Variants in COX14 observed in about 807,000 individuals in gnomAD.
COX14 encodes cytochrome c oxidase assembly protein COX14.
In COX14, 3 loss-of-function variants were observed where a neutral mutation model predicts 5.8. The observed-to-expected ratio is 0.51, with a 90% CI of 0.23 to 1.33. The LOEUF (loss-of-function observed/expected upper bound fraction) is 1.33. Among genes scored for constraint, COX14 ranks in the 40% most tolerant of loss-of-function variants. The pLI is 0.18. For missense variants in COX14, 72 were observed against 72.1 expected, an observed-to-expected ratio of 1.00 and a Z score of 0.01; for synonymous variants, 25 against 26.1, an observed-to-expected ratio of 0.96 and a Z score of 0.13.
At chr12:50,118,113 C>T (rs1458435390) in intron 1 of COX14, among the ~76,000 whole-genome samples, 2 of 149,080 alleles carry the variant, frequency 1.3e-5, no homozygotes, top group East Asian at 4.1e-4. Context: ...CTGGCGCAAT[C>T]TCACCTCGCT....
intron 1 of COX14, among the ~76,000 whole-genome samples, chr12:50,113,913 G>A (rs1297418608): frequency 2.6e-5 from 4 of 151,770 alleles, no homozygotes; most frequent in African/African-American, 9.7e-5. Flanking sequence ...GATTACAGGT[G>A]GCTCACGCCC....
intron 1 of COX14, among the ~76,000 whole-genome samples, chr12:50,115,308 G>A (rs180920194): frequency 2.7e-4 from 41 of 149,974 alleles, no homozygotes; most frequent in Admixed American, 1.4e-3. Context: ...TCCGCCTCCC[G>A]GGTTCATGCC....
chr12:50,112,916 ATG>A (rs1391328571), intron 1 of COX14: 2 of 149,338 alleles, frequency 1.3e-5, no homozygotes, highest in African/African-American at 2.5e-5. Flanking sequence ...ACGTTATGTT[ATG>A]TTATGTTATG....
intron 1 of COX14, among the ~76,000 whole-genome samples, chr12:50,114,238 AC>A (rs1951058264): frequency 1.3e-5 from 2 of 150,176 alleles, no homozygotes; most frequent in South Asian, 4.2e-4. Context: ...AAAAAAAAAA[AC>A]AGGTGTTTCT....
intron 1 of COX14, among the ~76,000 whole-genome samples, chr12:50,119,413 T>C (rs1592311955): frequency 6.6e-6 from 1 of 152,196 alleles, no homozygotes. Context: ...CCCTGGCTGG[T>C]GCAGTGGCTC....
intron 1 of COX14, chr12:50,118,495 G>GTGAGCCAC: frequency 1.1e-6 from 1 of 934,534 alleles, no homozygotes; most frequent in Non-Finnish European, 1.3e-6. Flanking sequence ...TTGGCCAGGC[G>GTGAGCCAC]CGGTGGCTCA....
Position 50,120,276 on chromosome 12 carries a change from A to T in COX14, c.*59A>T. On this transcript the variant is annotated 3_prime_UTR_variant, in exon 2 of 2. Coordinates refer to ENST00000550487, the MANE Select transcript of COX14 (RefSeq NM_032901.4). ...CCAAGGCATGCTGTGGAGAGACTTC[A>T]CCTGCCACCATTTCCAGGTCAACAG... is the stretch of plus-strand genomic sequence containing the variant. 7.1e-7 allele frequency: 1 copy of T among 1,409,522 alleles called. No individual in the cohort carries two copies. Among genetic ancestry groups the T allele is most frequent in the Non-Finnish European group, 9.8e-7 (1 of 1,024,382 alleles). 87.3% of individuals were successfully genotyped at this position (1,409,522 alleles called of 1,614,324 possible).
At chr12:50,113,426 C>T (rs1455848225) in intron 1 of COX14, among the ~76,000 whole-genome samples, 2 of 149,994 alleles carry the variant, frequency 1.3e-5, no homozygotes, top group African/African-American at 4.9e-5. Context: ...GCCTCAGCCT[C>T]CAGAGTAGCT....
intron 1 of COX14, among the ~76,000 whole-genome samples, chr12:50,117,478 C>T (rs531595369): frequency 6.6e-5 from 10 of 152,234 alleles, no homozygotes; most frequent in African/African-American, 1.9e-4. Context: ...GCCTCACTGG[C>T]AGGCTTATTG....
chr12:50,112,574 A>C (rs1009005728), intron 1 of COX14: 2 of 668,342 alleles, frequency 3.0e-6, no homozygotes, highest in Non-Finnish European at 3.7e-6. Context: ...CCACGCTCCA[A>C]CTCTGCCTCT....
intron 1 of COX14, chr12:50,112,540 A>T: frequency 2.2e-6 from 2 of 927,834 alleles, no homozygotes; most frequent in Non-Finnish European, 2.6e-6. Context: ...TCAAACCTCG[A>T]CTCCTGCCTG....
chr12:50,116,012 C>T (rs1335732804), intron 1 of COX14, among the ~76,000 whole-genome samples: 2 of 152,230 alleles, frequency 1.3e-5, no homozygotes, highest in East Asian at 1.9e-4. Flanking sequence ...ATTGATAAAT[C>T]CTTTTCTACT....
chr12:50,120,251 C>G lies in COX14; in HGVS notation c.*34C>G. On this transcript the variant is annotated 3_prime_UTR_variant, in exon 2 of 2. Transcript: ENST00000550487. Reference sequence around the variant, plus strand: ...GGCTTTTTCTCCTGAGCAGAGAGGCCCAAGGCATGCTGTGGAGAGACTTCA... The same window carrying G: ...GGCTTTTTCTCCTGAGCAGAGAGGCGCAAGGCATGCTGTGGAGAGACTTCA... The G allele has an allele frequency of 6.3e-7, 1 of 1,580,190 alleles. No homozygotes were observed. The highest frequency in any genetic ancestry group is 8.7e-7 in the Non-Finnish European group (1 of 1,155,346).
At chr12:50,114,741 A>G (rs1951063464) in intron 1 of COX14, among the ~76,000 whole-genome samples, 1 of 144,912 alleles carries the variant, frequency 6.9e-6, no homozygotes, top group African/African-American at 2.6e-5. Flanking sequence ...GATAGACATC[A>G]TCACATGAAT....
chr12:50,120,371 T>C lies in COX14; in HGVS notation c.*154T>C. 1 of 646,370 alleles carries C rather than the reference T, an allele frequency of 1.5e-6. No homozygotes were observed. Among genetic ancestry groups the C allele is most frequent in the South Asian group, 2.1e-5 (1 of 46,724 alleles). 40.0% of individuals were successfully genotyped at this position (646,370 alleles called of 1,614,324 possible). On this transcript the variant is annotated 3_prime_UTR_variant, in exon 2 of 2. Transcript: ENST00000550487. ...CCATGGTTTCTCTGGTTCTGCCAGT[T>C]TGACAGTTTATGGAGGCTTTTGAAT...
Position 50,120,134 on chromosome 12 carries a change from A to G in COX14, c.91A>G (p.Ser31Gly). Residue 31 changes from serine (S) to glycine (G), a missense_variant, in exon 2 of 2, where the codon AGT becomes GGT. Ser to Gly is a moderately conservative substitution (Grantham distance 56). Transcript: ENST00000550487. ...CACTGTGTATGGGGGGTACCTCTGC[A>G]GTGTCCGAGTCTACCACTATTTCCA... ...LLTVYGGYLC[S>G]VRVYHYFQWR... is the part of the protein sequence containing the mutation. 6.2e-7 allele frequency: 1 copy of G among 1,614,134 alleles called. No individual in the cohort carries two copies. The highest frequency in any genetic ancestry group is 8.5e-7 in the Non-Finnish European group (1 of 1,179,988).
chr12:50,119,028 A>G (rs1951107310), intron 1 of COX14, among the ~76,000 whole-genome samples: 1 of 152,190 alleles, frequency 6.6e-6, no homozygotes, highest in African/African-American at 2.4e-5. Flanking sequence ...AATTTATCTC[A>G]TGCAAATATG....
rs1429142774 is a variant in COX14 at position 50,114,859 on chromosome 12, CTGGGT to C, written c.-9+2560_-9+2564del. On this transcript the variant is annotated intron_variant, in intron 1 of 1. Transcript: ENST00000550487. ...GTACAGTGGCTGCAACTTCCGCCTC[CTGGGT>C]TCAAGCAATTCTCCTGCGTCAGCCT... Among the ~76,000 whole-genome samples, 8 of 131,916 alleles carry C rather than the reference CTGGGT, an allele frequency of 6.1e-5. No individual in the cohort carries two copies. In the East Asian group the frequency reaches 2.1e-3, roughly 35 times the overall value. The allele number at this position is 131,916 out of a possible 152,430, so 86.5% of individuals were successfully genotyped here. A position where few individuals can be genotyped will look rare whatever the true frequency, so the allele number is the denominator to read the frequency against.
intron 1 of COX14, 168 bp downstream of exon 1, chr12:50,112,469 G>T: frequency 1.0e-6 from 1 of 985,870 alleles, no homozygotes; most frequent in South Asian, 4.7e-5. Context: ...ACTGCTTCCT[G>T]CCCAAGCCCA....
Sources: allele counts gnomAD v4.1 joint callset (sites outside exome capture counted in the v4.1 genomes callset), GRCh38; gene constraint gnomAD v4.1.1; transcripts MANE v1.5; gene names NCBI Gene and HGNC (gene_info 2026-07-23, HGNC 2026-07-21).